The following BCAT1 variants were observed in gnomAD, a reference collection of about 807,000 sequenced individuals.
The protein encoded by BCAT1 is branched-chain-amino-acid aminotransferase, cytosolic.
BCAT1 carries 48 observed loss-of-function variants against 52.4 expected under a neutral mutation model. The observed-to-expected ratio is 0.92, with a 90% CI of 0.73 to 1.16. The LOEUF is 1.16. BCAT1 is among the 50% of genes most tolerant of loss of function. The pLI, the probability that BCAT1 is intolerant of heterozygous loss-of-function variation, is 0.00. For missense variants in BCAT1, 451 were observed against 457.1 expected, an observed-to-expected ratio of 0.99 and a Z score of 0.12; for synonymous variants, 167 against 161.3, an observed-to-expected ratio of 1.04 and a Z score of -0.27.
intron 2 of BCAT1, among the ~76,000 whole-genome samples, chr12:24,896,878 A>C (rs1424106687): frequency 1.3e-5 from 2 of 152,138 alleles, no homozygotes; most frequent in Non-Finnish European, 2.9e-5. Context: ...TAGCACACAG[A>C]ATAGTAAAGG....
chr12:24,835,586 TATTTATTTA>T (rs1263516500), intron 8 of BCAT1, among the ~76,000 whole-genome samples: 15 of 146,694 alleles, frequency 1.0e-4, no homozygotes, highest in Admixed American at 2.1e-4. Flanking sequence ...TTTATTTATT[TATTTATTTA>T]ATTTACTTTT....
rs771248510 is a variant in BCAT1 at position 24,894,412 on chromosome 12, C to T, written c.142G>A (p.Val48Ile). ...TGATCCGTGAACACAGTTCCAAAAACCAGATTATTGGGGTCTGGTTTTTCC... is the reference window on the plus strand; with the variant it reads ...TGATCCGTGAACACAGTTCCAAAAATCAGATTATTGGGGTCTGGTTTTTCC... ...LKEKPDPNNL[V>I]FGTVFTDHML... The change falls in exon 3 of 11, where the codon GTT becomes ATT. Residue 48 changes from valine (V) to isoleucine (I), a missense_variant. By Grantham distance (29) the Val-to-Ile change is conservative (BLOSUM62 3). Transcript: ENST00000261192. 1.9e-6 allele frequency: 3 copies of T among 1,612,070 alleles called. No homozygotes were observed. In the South Asian group the frequency reaches 3.3e-5, roughly 18 times the overall value.
At chr12:24,866,259 G>A (rs1357636113) in intron 5 of BCAT1, among the ~76,000 whole-genome samples, 1 of 152,246 alleles carries the variant, frequency 6.6e-6, no homozygotes, top group Non-Finnish European at 1.5e-5. Flanking sequence ...CCCCAGCAGT[G>A]CTGGCCCACC....
At chr12:24,920,729 T>A (rs891380653) in intron 1 of BCAT1, among the ~76,000 whole-genome samples, 3 of 152,126 alleles carry the variant, frequency 2.0e-5, no homozygotes, top group Admixed American at 6.6e-5. Context: ...GAGGGCTCAG[T>A]CCCACAAGAG....
At chr12:24,818,142 A>G in intron 10 of BCAT1, 93 bp from the exon 11 acceptor site, 1 of 1,263,336 alleles carries the variant, frequency 7.9e-7, no homozygotes, top group Non-Finnish European at 1.1e-6. Flanking sequence ...GGTTACACAA[A>G]AGGTTCGCTT....
intron 10 of BCAT1, among the ~76,000 whole-genome samples, chr12:24,818,594 A>C (rs745778881): frequency 3.9e-5 from 6 of 152,186 alleles, no homozygotes; most frequent in Non-Finnish European, 7.4e-5. Context: ...ACATGCACTA[A>C]AGAGTGTTTT....
intron 1 of BCAT1, among the ~76,000 whole-genome samples, chr12:24,930,654 T>C (rs1438982549): frequency 6.6e-6 from 1 of 152,200 alleles, no homozygotes; most frequent in Non-Finnish European, 1.5e-5. Flanking sequence ...GGTAAAGAAG[T>C]TTCCAGAAAT....
intron 8 of BCAT1, among the ~76,000 whole-genome samples, chr12:24,835,238 T>C (rs1243836907): frequency 6.6e-6 from 1 of 152,250 alleles, no homozygotes; most frequent in Non-Finnish European, 1.5e-5. Flanking sequence ...AGCCAGCATG[T>C]AGCAGTTGGG....
chr12:24,938,380 T>C (rs892856154), intron 1 of BCAT1, among the ~76,000 whole-genome samples: 23 of 152,008 alleles, frequency 1.5e-4, no homozygotes, highest in African/African-American at 5.6e-4. Flanking sequence ...AGTGCGGTAA[T>C]ATTGGTTGCA....
At position 24,812,661 on chromosome 12, in the gene BCAT1, T is replaced by G. The variant is rs1258671301; in HGVS notation, c.*5347A>C. ...AGAATAAGGAAAAAGCTCCTTTGGA[T>G]AACACAAAAATATGTTTTGTTTTTT... On this transcript the variant is annotated 3_prime_UTR_variant, in exon 11 of 11. Coordinates refer to ENST00000261192, the MANE Select transcript of BCAT1 (RefSeq NM_005504.7). The G allele has an allele frequency of 6.6e-6, 1 of 152,032 alleles. No individual in the cohort carries two copies. Among genetic ancestry groups the G allele is most frequent in the Non-Finnish European group, 1.5e-5 (1 of 67,898 alleles). The allele number at this position is 152,032 out of a possible 1,614,324, so 9.4% of individuals were successfully genotyped here. A position where few individuals can be genotyped will look rare whatever the true frequency, so the allele number is the denominator to read the frequency against.
rs771289574 is a variant in BCAT1 at position 24,818,020 on chromosome 12, A to T, written c.1149T>A (p.Ile383=). ...QYGREESDWT[I]VLS ...CTCTATTTTCCATTCAGGATAGCAC[A>T]ATTGTCCAGTCGCTCTCTTCTCTTC... Residue 383 remains isoleucine (I), a synonymous_variant, in exon 11 of 11, where the codon ATT becomes ATA. Transcript: ENST00000261192. 4 of 1,613,086 alleles carry T rather than the reference A, an allele frequency of 2.5e-6. No homozygotes were observed. The East Asian group carries it at 8.9e-5, about 36-fold the overall frequency.
intron 6 of BCAT1, among the ~76,000 whole-genome samples, chr12:24,847,244 T>C (rs1489549923): frequency 1.3e-5 from 2 of 152,338 alleles, no homozygotes; most frequent in African/African-American, 4.8e-5. Flanking sequence ...CCACCAAAAC[T>C]GAAAGGCAAG....
At position 24,844,894 on chromosome 12, in the gene BCAT1, CAA is replaced by C. The variant is rs11318750; in HGVS notation, c.675-2672_675-2671del. Among the ~76,000 whole-genome samples, 332 of 36,016 alleles carry C rather than the reference CAA, an allele frequency of 9.2e-3. 3 individuals are homozygous for C. Among genetic ancestry groups the C allele is most frequent in the East Asian group, 0.044 (65 of 1,494 alleles). The allele number at this position is 36,016 out of a possible 152,430, so 23.6% of individuals were successfully genotyped here. Reference sequence around the variant, plus strand: ...TCTGAGCGACAGAGTGAGACTGTCTCAAAAAAAAAAAAAAAAAAAAAAAGAGT... The same window carrying C: ...TCTGAGCGACAGAGTGAGACTGTCTCAAAAAAAAAAAAAAAAAAAAAGAGT... On this transcript the variant is annotated intron_variant, in intron 6 of 10. Transcript: ENST00000261192.
In BCAT1 at chr12:24,943,460, TC is replaced by T. The variant is rs1402011282; in HGVS notation, c.6+5466del. On this transcript the variant is annotated intron_variant, in intron 1 of 10. Coordinates refer to ENST00000261192, the MANE Select transcript of BCAT1 (RefSeq NM_005504.7). ...GTGAGCCATGATTGTACCACTGCAC[TC>T]CAGCCTAGGTGACAGAATGAGACCC... 3.0e-3 allele frequency among the ~76,000 whole-genome samples: 356 copies of T among 116,840 alleles called. 4 individuals are homozygous for T. Among genetic ancestry groups the T allele is most frequent in the African/African-American group, 0.011 (343 of 30,598 alleles). The allele number at this position is 116,840 out of a possible 152,430, so 76.7% of individuals were successfully genotyped here. A position where few individuals can be genotyped will look rare whatever the true frequency, so the allele number is the denominator to read the frequency against.
At chr12:24,885,522 T>TA (rs1942636359) in intron 3 of BCAT1, among the ~76,000 whole-genome samples, 3 of 152,172 alleles carry the variant, frequency 2.0e-5, no homozygotes. Context: ...TATTTTCTTT[T>TA]AAAAAACTGC....
intron 1 of BCAT1, among the ~76,000 whole-genome samples, chr12:24,921,110 C>T (rs1166362939): frequency 6.6e-6 from 1 of 152,024 alleles, no homozygotes; most frequent in Non-Finnish European, 1.5e-5. Context: ...TAGAAGCTCC[C>T]CAGTCCATTC....
At chr12:24,837,678 C>T (rs1434556205) in intron 7 of BCAT1, among the ~76,000 whole-genome samples, 3 of 151,968 alleles carry the variant, frequency 2.0e-5, no homozygotes, top group Non-Finnish European at 4.4e-5. Context: ...CTGCCCACTT[C>T]GGCCTCCCAA....
intron 9 of BCAT1, among the ~76,000 whole-genome samples, chr12:24,832,420 C>A (rs2139383423): frequency 6.6e-6 from 1 of 152,106 alleles, no homozygotes; most frequent in South Asian, 2.1e-4. Context: ...ACAAAAAAGA[C>A]CTAGCATGGT....
Position 24,844,725 on chromosome 12 carries a change from G to A in BCAT1, c.675-2501C>T, listed in dbSNP as rs140759147. On this transcript the variant is annotated intron_variant, in intron 6 of 10. Transcript: ENST00000261192. ...ATCCTGGCTAACACGGTGAAACCTC[G>A]TCTCTACTAAAAATACTAAAAATTA... is the stretch of plus-strand genomic sequence containing the variant. Among the ~76,000 whole-genome samples, 1,146 of 150,656 alleles carry A rather than the reference G, an allele frequency of 7.6e-3. 22 individuals carry two copies. Among genetic ancestry groups the A allele is most frequent in the African/African-American group, 0.027 (1,114 of 40,984 alleles).
Sources: gnomAD v4.1 joint callset for allele counts (sites outside exome capture counted in the v4.1 genomes callset) on GRCh38, gnomAD v4.1.1 for gene constraint, MANE v1.5 for transcripts, NCBI Gene and HGNC (gene_info 2026-07-23, HGNC 2026-07-21) for gene names.